Variants in FAM124B observed in about 807,000 individuals in gnomAD.
The protein encoded by FAM124B is protein FAM124B.
A neutral mutation model predicts 19.7 loss-of-function variants in FAM124B; 18 were observed. The observed-to-expected ratio is 0.92, with a 90% CI of 0.63 to 1.36. The LOEUF (loss-of-function observed/expected upper bound fraction) is 1.36. Ranked by LOEUF, FAM124B falls within the 40% of genes most tolerant of loss-of-function variation. The pLI is 0.00. For missense variants in FAM124B, 540 were observed against 553.3 expected, an observed-to-expected ratio of 0.98 and a Z score of 0.24; for synonymous variants, 223 against 225.2, an observed-to-expected ratio of 0.99 and a Z score of 0.09.
In FAM124B at chr2:224,401,491, G is replaced by A. The variant is rs751026366; in HGVS notation, c.278C>T (p.Pro93Leu). ...GTCCTGGGTGGGGTAGCACTGCCAT[G>A]GCGAATGCTGGAGAGAGTCCAGGAC... ...FRVLDSLQHSPWQCYPTQDTR... is the reference protein window; with the variant it reads ...FRVLDSLQHSLWQCYPTQDTR... The change falls in exon 1 of 2, where the codon CCA becomes CTA. Residue 93 changes from proline (P) to leucine (L), a missense_variant. Transcript: ENST00000409685. The A allele has an allele frequency of 4.3e-6, 7 of 1,614,110 alleles. No homozygotes were observed. The East Asian group carries it at 1.3e-4, about 31-fold the overall frequency.
At chr2:224,390,756 A>G (rs1405789265) in intron 1 of FAM124B, among the ~76,000 whole-genome samples, 1 of 149,014 alleles carries the variant, frequency 6.7e-6, no homozygotes, top group Admixed American at 6.7e-5. Flanking sequence ...GCTGGAGTGC[A>G]GTGGCGCGAT....
At chr2:224,398,708 A>G (rs570480527) in intron 1 of FAM124B, among the ~76,000 whole-genome samples, 13 of 152,238 alleles carry the variant, frequency 8.5e-5, no homozygotes, top group Non-Finnish European at 1.8e-4. Context: ...TGGGCGTGGT[A>G]GCTCATGCCT....
intron 1 of FAM124B, among the ~76,000 whole-genome samples, chr2:224,382,090 A>T (rs1018157298): frequency 1.1e-4 from 16 of 152,230 alleles, no homozygotes; most frequent in Admixed American, 1.0e-3. Flanking sequence ...ACACACAAAA[A>T]AACAAGGACT....
intron 1 of FAM124B, among the ~76,000 whole-genome samples, chr2:224,394,044 T>C (rs1234227691): frequency 2.0e-5 from 3 of 152,108 alleles, no homozygotes; most frequent in Non-Finnish European, 2.9e-5. Flanking sequence ...AGAAGCCACA[T>C]CTTAGGGACT....
intron 1 of FAM124B, among the ~76,000 whole-genome samples, chr2:224,395,610 GA>G (rs1452522720): frequency 1.3e-5 from 2 of 152,164 alleles, no homozygotes; most frequent in Non-Finnish European, 2.9e-5. Flanking sequence ...ACTGCCAAAG[GA>G]AAAACAATGT....
At chr2:224,397,771 T>G (rs1018717698) in intron 1 of FAM124B, among the ~76,000 whole-genome samples, 1 of 152,162 alleles carries the variant, frequency 6.6e-6, no homozygotes, top group Admixed American at 6.5e-5. Context: ...TTTGTGGAAC[T>G]TTGAACTTGA....
chr2:224,388,915 A>G (rs1689839535), intron 1 of FAM124B, among the ~76,000 whole-genome samples: 1 of 152,078 alleles, frequency 6.6e-6, no homozygotes, highest in South Asian at 2.1e-4. Context: ...TGAAGAAGTG[A>G]GGCGGCAAAG....
intron 1 of FAM124B, among the ~76,000 whole-genome samples, chr2:224,381,006 C>A (rs144368707): frequency 6.6e-6 from 1 of 152,274 alleles, no homozygotes; most frequent in East Asian, 1.9e-4. Context: ...GCATCCTATT[C>A]CATGCACAAC....
intron 1 of FAM124B, among the ~76,000 whole-genome samples, chr2:224,389,332 G>A (rs567389696): frequency 2.6e-5 from 4 of 152,164 alleles, no homozygotes; most frequent in Non-Finnish European, 4.4e-5. Context: ...GAACTGAGAC[G>A]GAACATAAAT....
chr2:224,396,973 C>T (rs1294162480), intron 1 of FAM124B, among the ~76,000 whole-genome samples: 1 of 152,232 alleles, frequency 6.6e-6, no homozygotes, highest in African/African-American at 2.4e-5. Flanking sequence ...TTACAGAAGC[C>T]AGACTCGCTA....
rs1433096893 is a variant in FAM124B, at chr2:224,401,359, A to G, written c.410T>C (p.Ile137Thr). 6.2e-7 allele frequency: 1 copy of G among 1,613,892 alleles called. No individual in the cohort carries two copies. The highest frequency in any genetic ancestry group is 2.2e-5 in the East Asian group (1 of 44,886). ...GVRQVHCGSE[I>T]LRVTLYCSFD... Reference sequence around the variant, plus strand: ...ACTGCAGTACAGCGTCACCCTCAGGATCTCGGAGCCACAGTGCACCTGCCT... The same window carrying G: ...ACTGCAGTACAGCGTCACCCTCAGGGTCTCGGAGCCACAGTGCACCTGCCT... The change falls in exon 1 of 2, where the codon ATC becomes ACC. Residue 137 changes from isoleucine (I) to threonine (T), a missense_variant. By Grantham distance (89) the Ile-to-Thr change is moderately conservative. Coordinates refer to ENST00000409685, the MANE Select transcript of FAM124B (RefSeq NM_001122779.2).
chr2:224,397,872 C>G (rs941406037), intron 1 of FAM124B, among the ~76,000 whole-genome samples: 1 of 152,158 alleles, frequency 6.6e-6, no homozygotes, highest in East Asian at 1.9e-4. Context: ...CATGAGTGAA[C>G]AGTGAATTAA....
chr2:224,388,370 T>A (rs1476906079), intron 1 of FAM124B, among the ~76,000 whole-genome samples: 1 of 152,174 alleles, frequency 6.6e-6, no homozygotes, highest in African/African-American at 2.4e-5. Context: ...CAGATAAACA[T>A]ACCGTGGAAT....
At chr2:224,391,468 C>T (rs1689887192) in intron 1 of FAM124B, among the ~76,000 whole-genome samples, 1 of 152,200 alleles carries the variant, frequency 6.6e-6, no homozygotes, top group East Asian at 1.9e-4. Context: ...CGGAAAGTGC[C>T]ATCAGCGAAA....
chr2:224,399,202 A>G (rs1448487737), intron 1 of FAM124B, among the ~76,000 whole-genome samples: 2 of 152,242 alleles, frequency 1.3e-5, no homozygotes, highest in East Asian at 3.8e-4. Flanking sequence ...AAAGACAGGA[A>G]TGATTAAAAT....
chr2:224,389,590 A>G (rs1172726920), intron 1 of FAM124B, among the ~76,000 whole-genome samples: 1 of 152,112 alleles, frequency 6.6e-6, no homozygotes, highest in African/African-American at 2.4e-5. Context: ...AACCTGGGCA[A>G]CTGGGAGAAG....
At chr2:224,381,455 T>C (rs778299079) in intron 1 of FAM124B, among the ~76,000 whole-genome samples, 5 of 151,154 alleles carry the variant, frequency 3.3e-5, no homozygotes, top group Non-Finnish European at 5.9e-5. Flanking sequence ...GACTATATGA[T>C]GCCAACTATA....
At chr2:224,389,058 T>C (rs1413461702) in intron 1 of FAM124B, among the ~76,000 whole-genome samples, 2 of 152,144 alleles carry the variant, frequency 1.3e-5, no homozygotes, top group African/African-American at 4.8e-5. Context: ...CAGCCTCCCG[T>C]GTAGCTGGGA....
At chr2:224,396,125 C>G (rs546767544) in intron 1 of FAM124B, among the ~76,000 whole-genome samples, 5 of 152,240 alleles carry the variant, frequency 3.3e-5, no homozygotes, top group South Asian at 4.2e-4. Flanking sequence ...CCCAAAAAGT[C>G]CCCCCGCTCT....
Sources: gnomAD v4.1 joint callset for allele counts (sites outside exome capture counted in the v4.1 genomes callset) on GRCh38, gnomAD v4.1.1 for gene constraint, MANE v1.5 for transcripts, NCBI Gene and HGNC (gene_info 2026-07-23, HGNC 2026-07-21) for gene names.